Variants in TAFA4 observed in about 807,000 individuals in gnomAD.
The protein encoded by TAFA4 is TAFA chemokine like family member 4, also known as chemokine-like protein TAFA-4.
In TAFA4, 20 loss-of-function variants were observed where a neutral mutation model predicts 21.1. That is an observed-to-expected ratio of 0.95 (90% confidence interval 0.67 to 1.38). The LOEUF (loss-of-function observed/expected upper bound fraction) is 1.38, where lower values mean the gene tolerates loss of function less well. Ranked by LOEUF, TAFA4 falls within the 40% of genes most tolerant of loss-of-function variation. TAFA4 has a pLI of 0.00. For synonymous variants in TAFA4, 71 were observed against 67.4 expected (o/e 1.05, Z -0.26); for missense variants, 211 against 180.9 (o/e 1.17, Z -0.95).
chr3:68,841,132 G>C (rs1268435697), intron 3 of TAFA4, among the ~76,000 whole-genome samples: 1 of 74,226 alleles, frequency 1.3e-5, no homozygotes, highest in Admixed American at 1.2e-4. Context: ...GACCATCCCG[G>C]CTAAAACGGT....
chr3:68,924,074 C>A (rs962975370), intron 1 of TAFA4, among the ~76,000 whole-genome samples: 1 of 152,106 alleles, frequency 6.6e-6, no homozygotes, highest in Admixed American at 6.6e-5. Context: ...ATGGTGGTTC[C>A]TCAAAAAATT....
chr3:68,887,837 T>C (rs1209168186), intron 1 of TAFA4, among the ~76,000 whole-genome samples: 2 of 152,124 alleles, frequency 1.3e-5, no homozygotes, highest in East Asian at 1.9e-4. Context: ...TGAAATATCA[T>C]CAGGGTAATT....
At chr3:68,891,974 C>T (rs1367638188) in intron 1 of TAFA4, among the ~76,000 whole-genome samples, 1 of 152,158 alleles carries the variant, frequency 6.6e-6, no homozygotes, top group Non-Finnish European at 1.5e-5. Flanking sequence ...ACAAATATAT[C>T]CTGAAATAAG....
At chr3:68,812,262 T>A (rs549770424) in intron 3 of TAFA4, among the ~76,000 whole-genome samples, 1 of 152,228 alleles carries the variant, frequency 6.6e-6, no homozygotes, top group South Asian at 2.1e-4. Flanking sequence ...AGAAACTGCA[T>A]CAACTAACGA....
chr3:68,753,430 G>A (rs1254141513), intron 3 of TAFA4, among the ~76,000 whole-genome samples: 1 of 148,480 alleles, frequency 6.7e-6, no homozygotes, highest in Admixed American at 6.8e-5. Context: ...CTACCTCCTG[G>A]ATTCAAGCGA....
intron 3 of TAFA4, among the ~76,000 whole-genome samples, chr3:68,824,735 C>T (rs1274676400): frequency 6.6e-6 from 1 of 152,154 alleles, no homozygotes; most frequent in Non-Finnish European, 1.5e-5. Context: ...TCTTCAGGCT[C>T]ACAGATGACA....
At chr3:68,858,577 CGT>C (rs4065047) in intron 3 of TAFA4, among the ~76,000 whole-genome samples, 2,787 of 146,030 alleles carry the variant, frequency 0.019, 33 homozygotes, top group Middle Eastern at 0.031. Flanking sequence ...TTCCAAGTGA[CGT>C]GTGTGTGTGT....
intron 3 of TAFA4, among the ~76,000 whole-genome samples, chr3:68,850,368 G>C (rs1704914276): frequency 6.6e-6 from 1 of 152,142 alleles, no homozygotes; most frequent in East Asian, 1.9e-4. Flanking sequence ...TCCCCATGGA[G>C]TATATGTCTT....
intron 3 of TAFA4, among the ~76,000 whole-genome samples, chr3:68,824,398 G>T (rs1444790413): frequency 6.6e-6 from 1 of 152,198 alleles, no homozygotes; most frequent in East Asian, 1.9e-4. Flanking sequence ...CTTGGCTGTG[G>T]CCCTGTTCCA....
At chr3:68,748,743 C>CAA (rs780362480) in intron 4 of TAFA4, among the ~76,000 whole-genome samples, 99 of 60,034 alleles carry the variant, frequency 1.6e-3, no homozygotes, top group Non-Finnish European at 2.9e-3. Context: ...GACTCCGTCT[C>CAA]AAAAAAAAAA....
chr3:68,886,248 G>A (rs147003940), intron 1 of TAFA4, among the ~76,000 whole-genome samples: 37 of 152,282 alleles, frequency 2.4e-4, no homozygotes, highest in Non-Finnish European at 3.4e-4. Flanking sequence ...AACACTTTCG[G>A]TGATAAATTT....
At chr3:68,845,274 G>T (rs11914349) in intron 3 of TAFA4, among the ~76,000 whole-genome samples, 1 of 151,842 alleles carries the variant, frequency 6.6e-6, no homozygotes, top group East Asian at 1.9e-4. Context: ...ATGCCCTTGT[G>T]TTTTTTTTAA....
At chr3:68,841,240 G>A (rs1465950758) in intron 3 of TAFA4, among the ~76,000 whole-genome samples, 1 of 85,282 alleles carries the variant, frequency 1.2e-5, no homozygotes, top group Admixed American at 1.1e-4. Flanking sequence ...GGAGAATGGC[G>A]TGAACCCGGG....
At chr3:68,757,907 G>A (rs1702687543) in intron 3 of TAFA4, among the ~76,000 whole-genome samples, 1 of 152,060 alleles carries the variant, frequency 6.6e-6, no homozygotes, top group South Asian at 2.1e-4. Context: ...TAAAATATAG[G>A]TTTTAGGTAC....
intron 3 of TAFA4, among the ~76,000 whole-genome samples, chr3:68,829,128 A>T (rs1575628908): frequency 6.6e-6 from 1 of 152,252 alleles, no homozygotes; most frequent in Non-Finnish European, 1.5e-5. Flanking sequence ...TGGAGGCATC[A>T]TGCTACCTGA....
intron 3 of TAFA4, among the ~76,000 whole-genome samples, chr3:68,842,958 T>C (rs1354936716): frequency 6.6e-6 from 1 of 152,208 alleles, no homozygotes; most frequent in Non-Finnish European, 1.5e-5. Context: ...TAGTTTGAAG[T>C]CAGGTAGCAT....
chr3:68,846,649 C>T (rs966531439), intron 3 of TAFA4, among the ~76,000 whole-genome samples: 3 of 152,102 alleles, frequency 2.0e-5, no homozygotes, highest in Non-Finnish European at 2.9e-5. Context: ...TCCTCATCTT[C>T]GTGGATTTAT....
chr3:68,877,015 C>T (rs1435466868), intron 3 of TAFA4, among the ~76,000 whole-genome samples: 1 of 152,004 alleles, frequency 6.6e-6, no homozygotes, highest in East Asian at 1.9e-4. Flanking sequence ...GAAAGAAGAA[C>T]TGAAGCAAAA....
intron 3 of TAFA4, among the ~76,000 whole-genome samples, chr3:68,841,669 A>G (rs1363513846): frequency 6.6e-6 from 1 of 151,930 alleles, no homozygotes; most frequent in African/African-American, 2.4e-5. Flanking sequence ...TCTATATTAG[A>G]TATTTCTCCA....
Sources: allele counts gnomAD v4.1 joint callset (sites outside exome capture counted in the v4.1 genomes callset), GRCh38; gene constraint gnomAD v4.1.1; transcripts MANE v1.5; gene names NCBI Gene and HGNC (gene_info 2026-07-23, HGNC 2026-07-21).